Variants in STK17B observed in about 807,000 individuals in gnomAD.
STK17B encodes the protein serine/threonine kinase 17b.
A neutral mutation model predicts 42.0 loss-of-function variants in STK17B; 21 were observed. The observed-to-expected ratio is 0.50, with a 90% CI of 0.35 to 0.72. STK17B has a LOEUF of 0.72. STK17B is among the 30% of genes least tolerant of loss of function. The pLI is 0.00. For synonymous variants in STK17B, 143 were observed against 148.4 expected, an observed-to-expected ratio of 0.96 and a Z score of 0.26; for missense variants, 349 against 446.0, an observed-to-expected ratio of 0.78 and a Z score of 1.96.
intron 1 of STK17B, 62 bp from the exon 2 acceptor site, chr2:196,163,489 A>G: frequency 1.6e-6 from 2 of 1,261,434 alleles, no homozygotes; most frequent in Non-Finnish European, 2.1e-6. Context: ...GCATTACATT[A>G]CACAGCTCCA....
At chr2:196,163,539 A>C in intron 1 of STK17B, 112 bp from the exon 2 acceptor site, 1 of 829,918 alleles carries the variant, frequency 1.2e-6, no homozygotes, top group African/African-American at 1.8e-5. Context: ...AAAAAGATTT[A>C]AAGAGCACAT....
chr2:196,149,298 G>A (rs113402691), intron 3 of STK17B, among the ~76,000 whole-genome samples: 12,699 of 151,932 alleles, frequency 0.084, 657 homozygotes, highest in Middle Eastern at 0.2. Flanking sequence ...CGAGTTGCTA[G>A]GACTACAGGC....
chr2:196,175,279 A>G (rs1468651264), upstream of STK17B, among the ~76,000 whole-genome samples: 2 of 152,222 alleles, frequency 1.3e-5, no homozygotes, highest in African/African-American at 4.8e-5. Flanking sequence ...AGATTTCACA[A>G]AATTTACTGT....
intron 4 of STK17B, among the ~76,000 whole-genome samples, chr2:196,144,334 C>CA (rs1397100377): frequency 2.6e-5 from 4 of 151,006 alleles, no homozygotes; most frequent in Non-Finnish European, 3.0e-5. Context: ...ACTAAAAATA[C>CA]AAAAAAATCA....
chr2:196,168,681 T>A (rs985413345), intron 1 of STK17B, among the ~76,000 whole-genome samples: 2 of 152,156 alleles, frequency 1.3e-5, no homozygotes, highest in Non-Finnish European at 2.9e-5. Context: ...CACTGAAGTT[T>A]GAGGTTAAAT....
chr2:196,136,402 T>C lies in STK17B; in HGVS notation c.*1045A>G, dbSNP rs1699406355. On this transcript the variant is annotated 3_prime_UTR_variant, in exon 8 of 8. Transcript: ENST00000263955. ...CTCACTAGGAATTTCACACAAGAAC[T>C]TCAGACGAGCCTGATGTCATGTTTT... 6.6e-6 allele frequency: 1 copy of C among 152,596 alleles called. No homozygotes were observed. The highest frequency in any genetic ancestry group is 1.9e-4 in the East Asian group (1 of 5,198). 9.5% of individuals were successfully genotyped at this position (152,596 alleles called of 1,614,324 possible).
intron 3 of STK17B, among the ~76,000 whole-genome samples, chr2:196,148,373 T>A (rs907066472): frequency 6.6e-6 from 1 of 152,068 alleles, no homozygotes; most frequent in Admixed American, 6.6e-5. Context: ...ATGATACAAA[T>A]CGTCTCAAAA....
chr2:196,172,355 T>C (rs1280015949), upstream of STK17B, among the ~76,000 whole-genome samples: 4 of 152,266 alleles, frequency 2.6e-5, no homozygotes, highest in Admixed American at 6.5e-5. Flanking sequence ...ACAAATGTTT[T>C]ACATAGATAT....
chr2:196,156,713 C>T, intron 2 of STK17B, 62 bp from the exon 3 acceptor site: 1 of 1,298,842 alleles, frequency 7.7e-7, no homozygotes, highest in Non-Finnish European at 1.1e-6. Context: ...TAGTATATTA[C>T]AGATTCTGTT....
rs1699396432 is a variant in STK17B at position 196,135,919 on chromosome 2, G to A, written c.*1528C>T. 1.3e-5 allele frequency: 2 copies of A among 150,688 alleles called. No homozygotes were observed. Among genetic ancestry groups the A allele is most frequent in the Non-Finnish European group, 3.0e-5 (2 of 67,756 alleles). The allele number at this position is 150,688 out of a possible 1,614,324, so 9.3% of individuals were successfully genotyped here. ...CATACACCTGTACATACACACATGT[G>A]CACACATACACACACAAGTAGAGAA... On this transcript the variant is annotated 3_prime_UTR_variant, in exon 8 of 8. Coordinates refer to ENST00000263955, the MANE Select transcript of STK17B (RefSeq NM_004226.4).
At chr2:196,168,302 GAA>G (rs1699895823) in intron 1 of STK17B, among the ~76,000 whole-genome samples, 2 of 152,108 alleles carry the variant, frequency 1.3e-5, no homozygotes, top group African/African-American at 2.4e-5. Context: ...CCCACCTCCA[GAA>G]AAAGAGTTAA....
At chr2:196,147,756 G>A (rs1416923271) in intron 3 of STK17B, among the ~76,000 whole-genome samples, 1 of 135,924 alleles carries the variant, frequency 7.4e-6, no homozygotes, top group Non-Finnish European at 1.6e-5. Flanking sequence ...TTTTTGAGAT[G>A]GAGTTTCACT....
At chr2:196,173,806 G>T (rs1057092683), upstream of STK17B, among the ~76,000 whole-genome samples, 19 of 152,136 alleles carry the variant, frequency 1.2e-4, no homozygotes, top group Admixed American at 3.3e-4. Flanking sequence ...GTTGTTATGG[G>T]CTCAGTTGTG....
chr2:196,171,771 G>A (rs1225250972), upstream of STK17B, among the ~76,000 whole-genome samples: 2 of 149,366 alleles, frequency 1.3e-5, no homozygotes, highest in African/African-American at 2.4e-5. Context: ...GAGGCGGGGC[G>A]GGGAGGCGCG....
At chr2:196,157,486 C>T (rs1699755014) in intron 2 of STK17B, among the ~76,000 whole-genome samples, 2 of 152,126 alleles carry the variant, frequency 1.3e-5, no homozygotes, top group African/African-American at 4.8e-5. Context: ...TTCCTTTCAA[C>T]ACAATTTTTA....
At chr2:196,149,410 C>T (rs201699770) in intron 3 of STK17B, among the ~76,000 whole-genome samples, 9 of 152,106 alleles carry the variant, frequency 5.9e-5, no homozygotes, top group East Asian at 3.9e-4. Context: ...GTGATCCGCC[C>T]GCCTCGGCCT....
At position 196,145,983 on chromosome 2, in the gene STK17B, G is replaced by C. The variant is rs951453448; in HGVS notation, c.408C>G (p.Ile136Met). The stretch of plus-strand genomic sequence containing the variant: ...CTTCAAGTATTTGTTTAATGAGTCT[G>C]ATAACATCATTTTCAGAAACCATTT... ...LAEMVSENDV[I>M]RLIKQILEGV... is the part of the protein sequence containing the mutation. The change falls in exon 4 of 8, where the codon ATC becomes ATG. Residue 136 changes from isoleucine (I) to methionine (M), a missense_variant. This residue lies in a region of STK17B where 256 missense variants were observed against 347.7 expected (regional missense o/e 0.74). Transcript: ENST00000263955. The C allele has an allele frequency of 1.2e-6, 2 of 1,608,212 alleles. No homozygotes were observed. The highest frequency in any genetic ancestry group is 2.7e-5 in the African/African-American group (2 of 74,612).
At chr2:196,150,672 C>T (rs1467811236) in intron 3 of STK17B, among the ~76,000 whole-genome samples, 1 of 152,140 alleles carries the variant, frequency 6.6e-6, no homozygotes, top group Non-Finnish European at 1.5e-5. Flanking sequence ...CAAATCTAGT[C>T]ATATAGCTTT....
intron 3 of STK17B, among the ~76,000 whole-genome samples, chr2:196,150,550 A>G (rs1434931704): frequency 6.6e-6 from 1 of 152,234 alleles, no homozygotes; most frequent in East Asian, 1.9e-4. Context: ...AAGTTAATAC[A>G]TGAAAGATTA....
Sources: allele counts gnomAD v4.1 joint callset (sites outside exome capture counted in the v4.1 genomes callset), GRCh38; gene constraint gnomAD v4.1.1; regional missense constraint gnomAD v4.1.1; transcripts MANE v1.5; gene names NCBI Gene and HGNC (gene_info 2026-07-23, HGNC 2026-07-21).